Variants in HECTD4 observed in about 807,000 individuals in gnomAD.
The protein encoded by HECTD4 is probable E3 ubiquitin-protein ligase HECTD4.
Under a neutral mutation model 471.5 loss-of-function variants are expected in HECTD4, and 114 were observed. The observed-to-expected ratio is 0.24, with a 90% CI of 0.21 to 0.28. The LOEUF is 0.28. Ranked by LOEUF, HECTD4 falls within the 10% of genes least tolerant of loss-of-function variation. The probability of loss-of-function intolerance (pLI) is 1.00; values close to 1 mark genes in which losing one functional copy is unlikely to be tolerated. For synonymous variants in HECTD4, 2,012 were observed against 2,256.0 expected (o/e 0.89, Z 3.07); for missense variants, 3,866 against 5,651.5 (o/e 0.68, Z 10.13).
At chr12:112,305,513 C>T (rs2035254487) in intron 7 of HECTD4, among the ~76,000 whole-genome samples, 1 of 152,134 alleles carries the variant, frequency 6.6e-6, no homozygotes, top group African/African-American at 2.4e-5. Context: ...TATTTGCTCA[C>T]TTGTTTATGG....
intron 1 of HECTD4, among the ~76,000 whole-genome samples, chr12:112,378,974 G>A (rs1024428289): frequency 6.6e-6 from 1 of 151,984 alleles, no homozygotes; most frequent in East Asian, 1.9e-4. Flanking sequence ...CCCAGGAGGC[G>A]GAGCTTGCAG....
In HECTD4 at chr12:112,228,072, G is replaced by A. The variant is rs1391509229; in HGVS notation, c.6854+17C>T. 1.3e-6 allele frequency: 2 copies of A among 1,593,518 alleles called. No homozygotes were observed. Among genetic ancestry groups the A allele is most frequent in the East Asian group, 2.3e-5 (1 of 44,148 alleles). On this transcript the variant is annotated intron_variant, in intron 43 of 75. Coordinates refer to ENST00000682272, the MANE Select transcript of HECTD4 (RefSeq NM_001388303.1). This position sits in a 1 kb window ranked among gnomAD's most constrained non-coding sequence, Gnocchi z 4.9. Reference sequence around the variant, plus strand: ...GCACCATGTCAGCACATAAGGCAATGTGGGGAGGGTACTCACCTTGTCCTT... The same window carrying A: ...GCACCATGTCAGCACATAAGGCAATATGGGGAGGGTACTCACCTTGTCCTT...
chr12:112,236,798 A>T, intron 35 of HECTD4, 147 bp downstream of exon 35: 3 of 657,090 alleles, frequency 4.6e-6, no homozygotes, highest in Non-Finnish European at 7.1e-6. Context: ...CAATGACTTT[A>T]TCCTCCATTA....
intron 14 of HECTD4, 73 bp downstream of exon 14, chr12:112,266,839 C>T: frequency 2.6e-6 from 2 of 766,058 alleles, no homozygotes; most frequent in Middle Eastern, 2.3e-4. Context: ...TAAATATTAT[C>T]TGAATATGCA....
Position 112,193,390 on chromosome 12 carries a change from A to G in HECTD4, c.8955+79T>C. 1 of 1,401,806 alleles carries G rather than the reference A, an allele frequency of 7.1e-7. No homozygotes were observed. Among genetic ancestry groups the G allele is most frequent in the Non-Finnish European group, 9.9e-7 (1 of 1,011,510 alleles). The allele number at this position is 1,401,806 out of a possible 1,614,324, so 86.8% of individuals were successfully genotyped here. ...AATAGGGACTTGGAAGGGAAAGGGG[A>G]GTCATTTTCAGCAAGCCAGTGAGAC... On this transcript the variant is annotated intron_variant, in intron 57 of 75. Coordinates refer to ENST00000682272, the MANE Select transcript of HECTD4 (RefSeq NM_001388303.1). This position sits in a 1 kb window ranked among gnomAD's most constrained non-coding sequence, Gnocchi z 5.2.
Position 112,170,261 on chromosome 12 carries a change from A to G in HECTD4, c.12052+72T>C, listed in dbSNP as rs1056609695. 20 of 1,559,570 alleles carry G rather than the reference A, an allele frequency of 1.3e-5. No homozygotes were observed. The African/African-American group carries it at 2.7e-4, about 21-fold the overall frequency. ...CACCAGCCCTGGACCCCCTTCTTTT[A>G]TGTTCCAGAAATCCGCTAGTGTGTT... On this transcript the variant is annotated intron_variant, in intron 69 of 75. Coordinates refer to ENST00000682272, the MANE Select transcript of HECTD4 (RefSeq NM_001388303.1).
At position 112,257,698 on chromosome 12, in the gene HECTD4, T is replaced by C. The variant is rs74423377; in HGVS notation, c.3128+798A>G. Reference sequence around the variant, plus strand: ...CCTTTTTATTGCTGATTAGAGTCCATTGTATGACTATATCACAATTTGCTT... The same window carrying C: ...CCTTTTTATTGCTGATTAGAGTCCACTGTATGACTATATCACAATTTGCTT... On this transcript the variant is annotated intron_variant, in intron 20 of 75. Coordinates refer to ENST00000682272, the MANE Select transcript of HECTD4 (RefSeq NM_001388303.1). Among the ~76,000 whole-genome samples, 906 of 152,318 alleles carry C rather than the reference T, an allele frequency of 5.9e-3. 11 individuals carry two copies. The highest frequency in any genetic ancestry group is 0.02 in the African/African-American group (851 of 41,568).
chr12:112,321,550 T>C (rs1271554961), intron 1 of HECTD4, among the ~76,000 whole-genome samples: 1 of 152,200 alleles, frequency 6.6e-6, no homozygotes. Context: ...AAGAAAATTC[T>C]GCCAGGTCTT....
At chr12:112,284,020 AC>A (rs1424720359) in intron 7 of HECTD4, among the ~76,000 whole-genome samples, 1 of 147,954 alleles carries the variant, frequency 6.8e-6, no homozygotes, top group African/African-American at 2.5e-5. Flanking sequence ...CAGACCACTT[AC>A]TATAAGCTTC....
At position 112,233,168 on chromosome 12, in the gene HECTD4, T is replaced by C. The variant is rs554633989; in HGVS notation, c.5916-83A>G. ...TGCATGCCATGGGGTCACCCAGTCATGGTGAGGCCCTATTATACACTAACA... is the reference window on the plus strand; with the variant it reads ...TGCATGCCATGGGGTCACCCAGTCACGGTGAGGCCCTATTATACACTAACA... On this transcript the variant is annotated intron_variant, in intron 37 of 75. Transcript: ENST00000682272. 111 of 975,904 alleles carry C rather than the reference T, an allele frequency of 1.1e-4. 1 individual carries two copies. In the South Asian group the frequency reaches 1.5e-3, roughly 13 times the overall value. 60.5% of individuals were successfully genotyped at this position (975,904 alleles called of 1,614,324 possible).
intron 9 of HECTD4, among the ~76,000 whole-genome samples, chr12:112,275,551 A>G (rs1246002001): frequency 6.6e-6 from 1 of 152,174 alleles, no homozygotes; most frequent in East Asian, 1.9e-4. Context: ...TGGAAATAAT[A>G]AAAGTCCTAC....
intron 62 of HECTD4, 98 bp downstream of exon 62, chr12:112,182,961 T>C (rs2137025441): frequency 1.2e-6 from 1 of 809,064 alleles, no homozygotes; most frequent in South Asian, 1.6e-5. Context: ...AAATAGGGGA[T>C]ACTGGGGAGG....
chr12:112,272,443 T>C (rs2034435778), intron 11 of HECTD4, among the ~76,000 whole-genome samples: 1 of 152,214 alleles, frequency 6.6e-6, no homozygotes, highest in African/African-American at 2.4e-5. Context: ...CAACCAATGA[T>C]TGTGGTCAAA....
intron 34 of HECTD4, among the ~76,000 whole-genome samples, chr12:112,238,055 A>G (rs1238660589): frequency 6.6e-6 from 1 of 152,208 alleles, no homozygotes; most frequent in African/African-American, 2.4e-5. Flanking sequence ...CACCCAGCCT[A>G]TGCCAGACCA....
intron 1 of HECTD4, among the ~76,000 whole-genome samples, chr12:112,345,850 G>A (rs1211450865): frequency 1.3e-5 from 2 of 152,146 alleles, no homozygotes; most frequent in Admixed American, 6.6e-5. Flanking sequence ...AGCAGAGATC[G>A]TGCCACTGCA....
chr12:112,169,488 C>CGGG lies in HECTD4; in HGVS notation c.12208+12_12208+14dup, dbSNP rs1228813457. 2 of 1,598,220 alleles carry CGGG rather than the reference C, an allele frequency of 1.3e-6. No homozygotes were observed. Among genetic ancestry groups the CGGG allele is most frequent in the Admixed American group, 3.4e-5 (2 of 58,756 alleles). ...ACAGCTCCTCCAGCGTGGAGCCTGG[C>CGGG]GGGCCACCACTTACTGGTGCCATGG... On this transcript the variant is annotated intron_variant, in intron 70 of 75. Transcript: ENST00000682272.
chr12:112,168,911 G>A (rs540854644), intron 70 of HECTD4, among the ~76,000 whole-genome samples: 22 of 152,216 alleles, frequency 1.4e-4, no homozygotes, highest in Non-Finnish European at 2.5e-4. Flanking sequence ...AGGGTCCCCC[G>A]TCTGGGAGGC....
At chr12:112,348,706 C>T (rs1047655350) in intron 1 of HECTD4, among the ~76,000 whole-genome samples, 5 of 152,142 alleles carry the variant, frequency 3.3e-5, no homozygotes, top group East Asian at 1.9e-4. Flanking sequence ...ATCACACCAC[C>T]GCAGTCTAGC....
At chr12:112,244,598 T>C (rs1248962614) in intron 29 of HECTD4, among the ~76,000 whole-genome samples, 1 of 152,226 alleles carries the variant, frequency 6.6e-6, no homozygotes, top group Non-Finnish European at 1.5e-5. Flanking sequence ...CTTGAACTCC[T>C]GACTTCAAGT....
Sources: gnomAD v4.1 joint callset for allele counts (sites outside exome capture counted in the v4.1 genomes callset) on GRCh38, gnomAD v4.1.1 for gene constraint, Gnocchi (gnomAD v3.1) non-coding constraint, MANE v1.5 for transcripts, NCBI Gene and HGNC (gene_info 2026-07-23, HGNC 2026-07-21) for gene names.